FOXN3: variants seen among roughly 807,000 people sequenced by gnomAD.
FOXN3 encodes forkhead box N3.
In FOXN3, 7 loss-of-function variants were observed where a neutral mutation model predicts 38.4. That is an observed-to-expected ratio of 0.18 (90% CI 0.10 to 0.34). The LOEUF (loss-of-function observed/expected upper bound fraction) is 0.34. FOXN3 is among the 10% of genes least tolerant of loss of function. FOXN3 has a pLI of 1.00. For missense variants in FOXN3, 456 were observed against 613.4 expected (o/e 0.74, Z 2.71); for synonymous variants, 230 against 242.2 (o/e 0.95, Z 0.47).
At chr14:89,581,486 G>A (rs201966379) in intron 1 of FOXN3, among the ~76,000 whole-genome samples, 16 of 145,872 alleles carry the variant, frequency 1.1e-4, no homozygotes, top group South Asian at 4.3e-4. Flanking sequence ...CTGTCTCAAA[G>A]AAAAAAAAAA....
At chr14:89,555,845 GTGT>G (rs1895105367) in intron 1 of FOXN3, among the ~76,000 whole-genome samples, 1 of 105,998 alleles carries the variant, frequency 9.4e-6, no homozygotes, top group African/African-American at 4.5e-5. Context: ...CATGGTGTGT[GTGT>G]GTGTGTGTGT....
At chr14:89,271,156 T>C (rs1346752768) in intron 4 of FOXN3, among the ~76,000 whole-genome samples, 1 of 152,194 alleles carries the variant, frequency 6.6e-6, no homozygotes, top group Admixed American at 6.5e-5. Context: ...GAACACAAAC[T>C]TGACCCCTTG....
At chr14:89,235,174 A>G (rs1232509960) in intron 4 of FOXN3, among the ~76,000 whole-genome samples, 1 of 152,220 alleles carries the variant, frequency 6.6e-6, no homozygotes, top group African/African-American at 2.4e-5. Flanking sequence ...AGAGAAGAAC[A>G]GAATGGAGAG....
intron 1 of FOXN3, among the ~76,000 whole-genome samples, chr14:89,450,593 T>C (rs1298241149): frequency 2.0e-5 from 3 of 149,254 alleles, no homozygotes; most frequent in Non-Finnish European, 4.5e-5. Context: ...ATCTTTCCTT[T>C]TTTTTTTTTT....
intron 4 of FOXN3, among the ~76,000 whole-genome samples, chr14:89,259,350 T>A: frequency 6.6e-6 from 1 of 152,210 alleles, no homozygotes; most frequent in East Asian, 1.9e-4. Context: ...AGTTTTAATC[T>A]TCTGAACATT....
chr14:89,171,928 C>G (rs1043698817), intron 5 of FOXN3, among the ~76,000 whole-genome samples: 4 of 152,032 alleles, frequency 2.6e-5, no homozygotes, highest in African/African-American at 9.7e-5. Flanking sequence ...AAAAACCCCA[C>G]CAGTATTGAC....
intron 4 of FOXN3, among the ~76,000 whole-genome samples, chr14:89,256,127 T>G (rs543620509): frequency 7.2e-5 from 11 of 152,162 alleles, no homozygotes; most frequent in Non-Finnish European, 1.6e-4. Context: ...CACCCTTCCC[T>G]GCCTGCCACC....
chr14:89,542,986 T>G (rs1461984638), intron 1 of FOXN3, among the ~76,000 whole-genome samples: 2 of 152,222 alleles, frequency 1.3e-5, no homozygotes, highest in African/African-American at 2.4e-5. Flanking sequence ...CAAACTCCCC[T>G]GGTAGAAGGA....
chr14:89,475,615 A>G (rs1020798344), intron 1 of FOXN3, among the ~76,000 whole-genome samples: 3 of 152,212 alleles, frequency 2.0e-5, no homozygotes, highest in African/African-American at 7.2e-5. Context: ...TGATCGCACC[A>G]CAGCACTCCA....
chr14:89,221,488 A>T (rs1277887718), intron 4 of FOXN3, among the ~76,000 whole-genome samples: 1 of 152,262 alleles, frequency 6.6e-6, no homozygotes, highest in Non-Finnish European at 1.5e-5. Context: ...GATTTGTGAT[A>T]TATGAAGCAA....
chr14:89,237,425 C>T (rs1413161368), intron 4 of FOXN3, among the ~76,000 whole-genome samples: 3 of 152,178 alleles, frequency 2.0e-5, no homozygotes, highest in South Asian at 2.1e-4. Flanking sequence ...AATAGTTTAG[C>T]GGTTTGTTAA....
chr14:89,268,163 T>A (rs1050325969), intron 4 of FOXN3, among the ~76,000 whole-genome samples: 2 of 152,218 alleles, frequency 1.3e-5, no homozygotes. Context: ...TGTTTCTTCA[T>A]CTGTAAGATC....
chr14:89,495,481 A>G (rs1418702015), intron 1 of FOXN3, among the ~76,000 whole-genome samples: 1 of 152,216 alleles, frequency 6.6e-6, no homozygotes, highest in African/African-American at 2.4e-5. Flanking sequence ...GGTTAAAGAA[A>G]TTCATCACTT....
At chr14:89,292,594 C>T (rs1330708556) in intron 3 of FOXN3, among the ~76,000 whole-genome samples, 1 of 152,210 alleles carries the variant, frequency 6.6e-6, no homozygotes, top group Admixed American at 6.5e-5. Flanking sequence ...AGCCACCCCC[C>T]TTTTCTGCCT....
chr14:89,347,146 GC>G (rs966828063), intron 3 of FOXN3, among the ~76,000 whole-genome samples: 1 of 152,104 alleles, frequency 6.6e-6, no homozygotes, highest in African/African-American at 2.4e-5. Context: ...TGAAGATCTA[GC>G]CCCCAGTACA....
chr14:89,392,731 C>CCCAG (rs1890986302), intron 2 of FOXN3, among the ~76,000 whole-genome samples: 1 of 151,492 alleles, frequency 6.6e-6, no homozygotes. Flanking sequence ...ACCTCCGACC[C>CCCAG]CCAGGTTCAA....
chr14:89,383,705 T>C (rs547086665), intron 2 of FOXN3, among the ~76,000 whole-genome samples: 36 of 152,342 alleles, frequency 2.4e-4, no homozygotes, highest in Admixed American at 9.8e-4. Flanking sequence ...TAAGGGACGC[T>C]AGTCAATGAC....
chr14:89,544,146 A>AAT (rs1894841318), intron 1 of FOXN3, among the ~76,000 whole-genome samples: 1 of 151,866 alleles, frequency 6.6e-6, no homozygotes, highest in African/African-American at 2.4e-5. Flanking sequence ...CCCAGGCTGG[A>AAT]GTCTCCTGCC....
chr14:89,409,352 C>CGGGGGG (rs10664997), intron 2 of FOXN3: 2 of 145,502 alleles, frequency 1.4e-5, no homozygotes, highest in African/African-American at 2.6e-5. Context: ...CGGTGGGGGA[C>CGGGGGG]GGGGGGGTCG....
Sources: gnomAD v4.1 joint callset for allele counts (sites outside exome capture counted in the v4.1 genomes callset) on GRCh38, gnomAD v4.1.1 for gene constraint, MANE v1.5 for transcripts, NCBI Gene and HGNC (gene_info 2026-07-23, HGNC 2026-07-21) for gene names.